The following MESP1 variants were observed in gnomAD, a reference collection of about 807,000 sequenced individuals.
MESP1 encodes the protein mesoderm posterior protein 1.
In MESP1, 22 loss-of-function variants were observed where a neutral mutation model predicts 15.2. That is an observed-to-expected ratio of 1.45 (90% confidence interval 1.04 to 2.07). MESP1 has a LOEUF of 2.07. Among genes scored for constraint, MESP1 ranks in the 30% most tolerant of loss-of-function variants. The probability of loss-of-function intolerance (pLI) is 0.00; values close to 1 mark genes in which losing one functional copy is unlikely to be tolerated. For missense variants in MESP1, 484 were observed against 411.9 expected (o/e 1.17, Z -1.51); for synonymous variants, 216 against 192.6 (o/e 1.12, Z -1.01).
chr15:89,738,626 CAAAAA>C, the MESP1 span, among the ~76,000 whole-genome samples: 3 of 81,454 alleles, frequency 3.7e-5, no homozygotes, highest in Non-Finnish European at 2.5e-5. Flanking sequence ...GACTCTGTCC[CAAAAA>C]AAAAAAAAAA....
Position 89,750,995 on chromosome 15 carries a change from C to G in MESP1, c.237G>C (p.Leu79=). ...VGRRGARSSR[L]GSGQRQSASE... is the part of the protein sequence containing the mutation. ...TGGCGCTCTGCCTCTGCCCGCTGCCCAGGCGGCTGCTGCGCGCGCCGCGCC... is the reference window on the plus strand; with the variant it reads ...TGGCGCTCTGCCTCTGCCCGCTGCCGAGGCGGCTGCTGCGCGCGCCGCGCC... Residue 79 remains leucine (L), a synonymous_variant, in exon 1 of 2, where the codon CTG becomes CTC. Coordinates refer to ENST00000300057, the MANE Select transcript of MESP1 (RefSeq NM_018670.4). 1 of 1,385,524 alleles carries G rather than the reference C, an allele frequency of 7.2e-7. No individual in the cohort carries two copies. Among genetic ancestry groups the G allele is most frequent in the South Asian group, 1.6e-5 (1 of 60,794 alleles). The allele number at this position is 1,385,524 out of a possible 1,614,324, so 85.8% of individuals were successfully genotyped here. A position where few individuals can be genotyped will look rare whatever the true frequency, so the allele number is the denominator to read the frequency against.
the MESP1 span, chr15:89,733,050 C>A: frequency 1.9e-6 from 3 of 1,614,152 alleles, no homozygotes; most frequent in Non-Finnish European, 2.5e-6. Flanking sequence ...ATGTTTCTGC[C>A]AAAGCATTCA....
chr15:89,739,030 T>C, the MESP1 span, among the ~76,000 whole-genome samples: 3 of 151,580 alleles, frequency 2.0e-5, no homozygotes, highest in East Asian at 5.9e-4. Context: ...GGGGGAGAAT[T>C]GCTTGAACCT....
the MESP1 span, among the ~76,000 whole-genome samples, chr15:89,735,706 C>A: frequency 6.6e-6 from 1 of 152,216 alleles, no homozygotes; most frequent in East Asian, 1.9e-4. Flanking sequence ...AGAGAAAGAA[C>A]CTGCCTTCAT....
chr15:89,737,505 T>C, the MESP1 span: 4 of 1,595,234 alleles, frequency 2.5e-6, no homozygotes, highest in Non-Finnish European at 3.4e-6. Context: ...TGGGGTGACC[T>C]CTACACGACC....
At chr15:89,749,870 C>G, downstream of MESP1, 1 of 414,326 alleles carries the variant, frequency 2.4e-6, no homozygotes, top group Non-Finnish European at 4.5e-6. Flanking sequence ...GAAGAAATTG[C>G]CAACTGACAC....
chr15:89,732,615 C>CCACACACACACA, the MESP1 span, among the ~76,000 whole-genome samples: 14 of 148,560 alleles, frequency 9.4e-5, no homozygotes, highest in Middle Eastern at 3.4e-3. Context: ...TGTTGTTTGG[C>CCACACACACACA]CACACACACA....
chr15:89,737,790 A>G, the MESP1 span: 1 of 1,599,302 alleles, frequency 6.3e-7, no homozygotes, highest in Non-Finnish European at 8.5e-7. Flanking sequence ...TTCTCTCACA[A>G]ACAGAGAGAG....
the MESP1 span, chr15:89,743,297 G>A: frequency 6.2e-6 from 10 of 1,614,016 alleles, no homozygotes; most frequent in East Asian, 2.2e-5. Context: ...CTCAGCTATC[G>A]GAAGCTGGAG....
At chr15:89,740,171 T>C in the MESP1 span, among the ~76,000 whole-genome samples, 1,150 of 152,322 alleles carry the variant, frequency 7.5e-3, 18 homozygotes, top group African/African-American at 0.026. Context: ...ATGGTAGTTA[T>C]GACCATGATG....
Position 89,750,618 on chromosome 15 carries a change from G to C in MESP1, c.614C>G (p.Pro205Arg). The change falls in exon 1 of 2, where the codon CCT (proline) becomes CGT (arginine). Residue 205 changes from proline (P) to arginine (R), a missense_variant. By Grantham distance (103) the Pro-to-Arg change is moderately radical (BLOSUM62 -2). Transcript: ENST00000300057. ...VRAGASWGSP[P>R]ACPGARAAPE... The stretch of plus-strand genomic sequence containing the variant: ...TGCAGCTCGGGCTCCGGGGCAGGCA[G>C]GCGGGGATCCCCAGGACGCCCCGGC... 2 of 1,390,322 alleles carry C rather than the reference G, an allele frequency of 1.4e-6. No homozygotes were observed. Among genetic ancestry groups the C allele is most frequent in the Non-Finnish European group, 1.8e-6 (2 of 1,081,176 alleles). The allele number at this position is 1,390,322 out of a possible 1,614,324, so 86.1% of individuals were successfully genotyped here.
chr15:89,737,936 C>T, the MESP1 span: 74 of 1,380,830 alleles, frequency 5.4e-5, no homozygotes, highest in East Asian at 1.4e-3. Flanking sequence ...CCCAGATGAC[C>T]CAGCCTTTAT....
chr15:89,751,232 G>A lies in MESP1; in HGVS notation c.-1C>T. The A allele has an allele frequency of 2.4e-6, 3 of 1,235,740 alleles. No homozygotes were observed. Among genetic ancestry groups the A allele is most frequent in the Non-Finnish European group, 3.0e-6 (3 of 990,516 alleles). The allele number at this position is 1,235,740 out of a possible 1,614,324, so 76.5% of individuals were successfully genotyped here. ...GCGGCGGGCACAGGGGCTGGGCCAT[G>A]GCAGCGGCGGCGCGTCTGGGGGCCG... On this transcript the variant is annotated 5_prime_UTR_variant, in exon 1 of 2. Coordinates refer to ENST00000300057, the MANE Select transcript of MESP1 (RefSeq NM_018670.4).
At chr15:89,747,773 G>A (rs1967999797), downstream of MESP1, among the ~76,000 whole-genome samples, 1 of 152,224 alleles carries the variant, frequency 6.6e-6, no homozygotes, top group Non-Finnish European at 1.5e-5. Flanking sequence ...TTCTTAAAGT[G>A]GCCCTGCAGC....
chr15:89,747,101 TACACACACACACACACAC>T (rs539868537), downstream of MESP1, among the ~76,000 whole-genome samples: 162 of 127,578 alleles, frequency 1.3e-3, no homozygotes, highest in African/African-American at 4.5e-3. Flanking sequence ...CACTGCCACA[TACACACACACACACACAC>T]ACACACACAC....
downstream of MESP1, among the ~76,000 whole-genome samples, chr15:89,746,483 C>G (rs2056757651): frequency 2.7e-5 from 4 of 150,338 alleles, no homozygotes; most frequent in Admixed American, 6.6e-5. Flanking sequence ...AGCCCTGCCT[C>G]TACACACACA....
chr15:89,748,154 TTAA>T (rs1417621115), downstream of MESP1, among the ~76,000 whole-genome samples: 2 of 152,190 alleles, frequency 1.3e-5, no homozygotes, highest in African/African-American at 2.4e-5. Context: ...GCTAATAACT[TTAA>T]TTCCCCATTC....
the MESP1 span, among the ~76,000 whole-genome samples, chr15:89,743,830 CGGCT>C: frequency 1.3e-5 from 2 of 152,200 alleles, no homozygotes; most frequent in South Asian, 4.1e-4. Context: ...CTCCCTCCCA[CGGCT>C]GGCTCACACC....
At chr15:89,750,458 G>A (rs1224386662) in intron 1 of MESP1, 51 bp downstream of exon 1, 17 of 1,469,764 alleles carry the variant, frequency 1.2e-5, no homozygotes, top group Non-Finnish European at 1.5e-5. Flanking sequence ...CGGGCGGTGG[G>A]GCTGTGCGCG....
Sources: allele counts gnomAD v4.1 joint callset (sites outside exome capture counted in the v4.1 genomes callset), GRCh38; gene constraint gnomAD v4.1.1; transcripts MANE v1.5; gene names NCBI Gene and HGNC (gene_info 2026-07-23, HGNC 2026-07-21).